Variants in CNTNAP5 observed in about 807,000 individuals in gnomAD.
CNTNAP5 encodes contactin associated protein family member 5.
A neutral mutation model predicts 150.2 loss-of-function variants in CNTNAP5; 72 were observed. The ratio of observed to expected loss-of-function variants is 0.48; its 90% CI spans 0.40 to 0.58. The LOEUF (loss-of-function observed/expected upper bound fraction) is 0.58. Ranked by LOEUF, CNTNAP5 falls within the 20% of genes least tolerant of loss-of-function variation. CNTNAP5 has a pLI of 0.00. For synonymous variants in CNTNAP5, 672 were observed against 619.8 expected, an observed-to-expected ratio of 1.08 and a Z score of -1.25; for missense variants, 1,636 against 1,626.2, an observed-to-expected ratio of 1.01 and a Z score of -0.10.
At chr2:124,283,446 C>A (rs1198113542) in intron 3 of CNTNAP5, among the ~76,000 whole-genome samples, 2 of 152,150 alleles carry the variant, frequency 1.3e-5, no homozygotes, top group African/African-American at 4.8e-5. Context: ...TTGGAGACAT[C>A]CTGGCACATG....
At chr2:124,859,893 A>T (rs1677473465) in intron 19 of CNTNAP5, among the ~76,000 whole-genome samples, 1 of 152,080 alleles carries the variant, frequency 6.6e-6, no homozygotes, top group East Asian at 1.9e-4. Context: ...GGAACATCAT[A>T]CACTGGGGCC....
At position 124,896,455 on chromosome 2, in the gene CNTNAP5, G is replaced by A. The variant is rs1678306531; in HGVS notation, c.3437-6427G>A. 1.3e-5 allele frequency among the ~76,000 whole-genome samples: 2 copies of A among 151,604 alleles called. 1 individual carries two copies. The highest frequency in any genetic ancestry group is 4.9e-5 in the African/African-American group (2 of 40,942). On this transcript the variant is annotated intron_variant, in intron 21 of 23. Coordinates refer to ENST00000682447, the MANE Select transcript of CNTNAP5 (RefSeq NM_001367498.1). ...CTTGAAAAGGACAGCCTTTCTTAAA[G>A]CAAGAAGGGGAGGACAGACAAAATG...
rs201988276 is a variant in CNTNAP5 at position 124,430,439 on chromosome 2, AT to A, written c.530-4043del. Among the ~76,000 whole-genome samples the A allele has an allele frequency of 3.9e-5, 6 of 152,340 alleles. No individual in the cohort carries two copies. In the East Asian group the frequency reaches 9.6e-4, roughly 24 times the overall value. The stretch of plus-strand genomic sequence containing the variant: ...GGCTTATGATGTGGGCTCCACACAC[AT>A]TATCCTAGCCCCACACATACATGCA... On this transcript the variant is annotated intron_variant, in intron 4 of 23. Coordinates refer to ENST00000682447, the MANE Select transcript of CNTNAP5 (RefSeq NM_001367498.1).
chr2:124,079,774 TG>T (rs1293774692), intron 1 of CNTNAP5, among the ~76,000 whole-genome samples: 5 of 152,164 alleles, frequency 3.3e-5, no homozygotes, highest in Non-Finnish European at 4.4e-5. Context: ...TTTCATATGA[TG>T]GGACATGGAT....
At chr2:124,303,424 G>A (rs1430262) in intron 3 of CNTNAP5, among the ~76,000 whole-genome samples, 80,204 of 151,988 alleles carry the variant, frequency 0.53, 21,489 homozygotes, top group Non-Finnish European at 0.58. Context: ...GCAGCAGCCT[G>A]TCCATGTCAA....
rs548768680 is a variant in CNTNAP5 at position 124,331,066 on chromosome 2, G to A, written c.382-86377G>A. ...AAATTACCAGAAACTCATACTTGTC[G>A]GAGTCCTTTTTTTTCCATATATCTT... On this transcript the variant is annotated intron_variant, in intron 3 of 23. Transcript: ENST00000682447. Among the ~76,000 whole-genome samples, 14 of 152,000 alleles carry A rather than the reference G, an allele frequency of 9.2e-5. No individual in the cohort carries two copies. The South Asian group carries it at 1.7e-3, about 18-fold the overall frequency.
intron 13 of CNTNAP5, among the ~76,000 whole-genome samples, chr2:124,707,839 T>A (rs370669337): frequency 1.2e-4 from 19 of 152,338 alleles, no homozygotes; most frequent in East Asian, 5.8e-4. Context: ...TTCCTTTCAG[T>A]GCAAGCTGAA....
rs1025697895 is a variant in CNTNAP5, at chr2:124,814,112, CT to C, written c.3217+15802del. Among the ~76,000 whole-genome samples the C allele has an allele frequency of 6.4e-3, 952 of 147,676 alleles. 8 individuals are homozygous for C. The highest frequency in any genetic ancestry group is 0.021 in the African/African-American group (849 of 40,368). ...GGCTCTTGTTATTCTCTGAAGTTTC[CT>C]TTTTTTTTTATGATTCTTACACCCC... On this transcript the variant is annotated intron_variant, in intron 19 of 23. Coordinates refer to ENST00000682447, the MANE Select transcript of CNTNAP5 (RefSeq NM_001367498.1).
At chr2:124,600,593 G>T (rs1296081373) in intron 11 of CNTNAP5, among the ~76,000 whole-genome samples, 1 of 152,110 alleles carries the variant, frequency 6.6e-6, no homozygotes, top group Non-Finnish European at 1.5e-5. Context: ...CCAGAGCTAT[G>T]CAAGGAAAGG....
intron 8 of CNTNAP5, among the ~76,000 whole-genome samples, chr2:124,512,337 T>C (rs1418723544): frequency 6.6e-6 from 1 of 152,004 alleles, no homozygotes; most frequent in African/African-American, 2.4e-5. Flanking sequence ...GTCTACATTT[T>C]AAATACATGG....
At chr2:124,187,909 G>T (rs1449959614) in intron 1 of CNTNAP5, among the ~76,000 whole-genome samples, 1 of 152,102 alleles carries the variant, frequency 6.6e-6, no homozygotes, top group Non-Finnish European at 1.5e-5. Flanking sequence ...AGCACCTGGG[G>T]GTATAAATGA....
chr2:124,556,361 C>T (rs369922810), intron 10 of CNTNAP5, among the ~76,000 whole-genome samples: 2 of 151,664 alleles, frequency 1.3e-5, no homozygotes, highest in Admixed American at 6.6e-5. Flanking sequence ...AGCTTCTTGG[C>T]CAGGGAAAAG....
intron 12 of CNTNAP5, among the ~76,000 whole-genome samples, chr2:124,632,684 C>T (rs1677889335): frequency 6.6e-6 from 1 of 150,992 alleles, no homozygotes; most frequent in African/African-American, 2.4e-5. Flanking sequence ...CCTGCACATC[C>T]TGCACATGTA....
intron 1 of CNTNAP5, among the ~76,000 whole-genome samples, chr2:124,199,410 G>GTTT (rs1420646876): frequency 2.3e-4 from 19 of 82,058 alleles, no homozygotes; most frequent in Middle Eastern, 0.01. Flanking sequence ...TTATTCCAAG[G>GTTT]TTCTTTTTTT....
chr2:124,161,728 A>G (rs1684684289), intron 1 of CNTNAP5, among the ~76,000 whole-genome samples: 1 of 152,176 alleles, frequency 6.6e-6, no homozygotes, highest in Non-Finnish European at 1.5e-5. Flanking sequence ...AAAGGACAAA[A>G]ACAAATGATC....
chr2:124,030,217 G>T (rs1681007226), intron 1 of CNTNAP5, among the ~76,000 whole-genome samples: 1 of 152,082 alleles, frequency 6.6e-6, no homozygotes, highest in Admixed American at 6.6e-5. Context: ...TTTCTGGGAT[G>T]ATTATATTCT....
intron 3 of CNTNAP5, among the ~76,000 whole-genome samples, chr2:124,352,942 A>G (rs1689909000): frequency 6.6e-6 from 1 of 152,176 alleles, no homozygotes; most frequent in African/African-American, 2.4e-5. Flanking sequence ...TGAAGTAGTG[A>G]TGCTTTGGGC....
At chr2:124,149,733 A>G (rs566688183) in intron 1 of CNTNAP5, among the ~76,000 whole-genome samples, 1 of 152,290 alleles carries the variant, frequency 6.6e-6, no homozygotes, top group South Asian at 2.1e-4. Flanking sequence ...TTCCTCTCCT[A>G]TGGCCCTGAC....
chr2:124,057,333 G>A (rs1443961609), intron 1 of CNTNAP5, among the ~76,000 whole-genome samples: 1 of 148,774 alleles, frequency 6.7e-6, no homozygotes, highest in East Asian at 2.0e-4. Flanking sequence ...CCAGGCTGGA[G>A]TGCAGTGGCG....
Sources: gnomAD v4.1 joint callset for allele counts (sites outside exome capture counted in the v4.1 genomes callset) on GRCh38, gnomAD v4.1.1 for gene constraint, MANE v1.5 for transcripts, NCBI Gene and HGNC (gene_info 2026-07-23, HGNC 2026-07-21) for gene names.